The following EPHA7 variants were observed in gnomAD, a reference collection of about 807,000 sequenced individuals.
EPHA7 encodes ephrin type-A receptor 7.
In EPHA7, 25 loss-of-function variants were observed where a neutral mutation model predicts 112.6. The ratio of observed to expected loss-of-function variants is 0.22; its 90% CI spans 0.16 to 0.31. EPHA7 has a LOEUF of 0.31. Ranked by LOEUF, EPHA7 falls within the 10% of genes least tolerant of loss-of-function variation. The probability of loss-of-function intolerance (pLI) is 1.00; values close to 1 mark genes in which losing one functional copy is unlikely to be tolerated. For missense variants in EPHA7, 962 were observed against 1,212.6 expected (o/e 0.79, Z 3.07); for synonymous variants, 437 against 406.5 (o/e 1.07, Z -0.90).
rs1778334085 is a variant in EPHA7 at position 93,399,448 on chromosome 6, T to G, written c.832+11053A>C. ...AGATTTTATTGAAGTAGCTTTATTT[T>G]ATTATTTTTAAAATGTGAAATAATT... On this transcript the variant is annotated intron_variant, in intron 3 of 16. Transcript: ENST00000369303. Among the ~76,000 whole-genome samples, 2 of 152,138 alleles carry G rather than the reference T, an allele frequency of 1.3e-5. 1 individual carries two copies. The highest frequency in any genetic ancestry group is 4.1e-4 in the South Asian group (2 of 4,836).
In EPHA7 at chr6:93,257,471, T is replaced by C. The variant is rs753498003; in HGVS notation, c.2163A>G (p.Ala721=). ...TCACTTTGGTACTTACCCTGAGAAA[T>C]GCATCTAGGGCTCCATTTTCCATGA... ...IEFMENGALD[A]FLRKHDGQFT... The change falls in exon 12 of 17, where the codon GCA becomes GCG. Residue 721 remains alanine, a synonymous_variant. Transcript: ENST00000369303. 41 of 1,609,254 alleles carry C rather than the reference T, an allele frequency of 2.5e-5. No homozygotes were observed. The highest frequency in any genetic ancestry group is 3.1e-5 in the Non-Finnish European group (36 of 1,176,926).
chr6:93,355,838 G>A (rs1293017428), intron 5 of EPHA7, among the ~76,000 whole-genome samples: 1 of 152,120 alleles, frequency 6.6e-6, no homozygotes, highest in African/African-American at 2.4e-5. Flanking sequence ...TCATGGTTAT[G>A]CCATTTCTTC....
chr6:93,383,038 T>C (rs1175004618), intron 3 of EPHA7, among the ~76,000 whole-genome samples: 1 of 152,090 alleles, frequency 6.6e-6, no homozygotes, highest in African/African-American at 2.4e-5. Context: ...TTAAGAGAGC[T>C]TAATTTGATG....
At chr6:93,378,889 G>A (rs1456906647) in intron 3 of EPHA7, among the ~76,000 whole-genome samples, 2 of 152,056 alleles carry the variant, frequency 1.3e-5, no homozygotes, top group Admixed American at 6.6e-5. Context: ...TCAAAGTCTT[G>A]TGTTATTTGG....
At chr6:93,299,812 C>A (rs186722043) in intron 5 of EPHA7, among the ~76,000 whole-genome samples, 1 of 152,188 alleles carries the variant, frequency 6.6e-6, no homozygotes, top group East Asian at 1.9e-4. Flanking sequence ...AATGAGATCA[C>A]GTCTTTTGCA....
chr6:93,326,323 A>C (rs1467817192), intron 5 of EPHA7, among the ~76,000 whole-genome samples: 1 of 151,446 alleles, frequency 6.6e-6, no homozygotes, highest in East Asian at 1.9e-4. Context: ...CCTAATTTCA[A>C]TAAAACACTG....
intron 10 of EPHA7, 32 bp from the exon 11 acceptor site, chr6:93,258,316 G>A: frequency 6.7e-7 from 1 of 1,496,306 alleles, no homozygotes; most frequent in Non-Finnish European, 8.9e-7. Context: ...GCATATTTTA[G>A]TTTCTAAATA....
chr6:93,382,592 C>G (rs780489217), intron 3 of EPHA7, among the ~76,000 whole-genome samples: 31 of 152,096 alleles, frequency 2.0e-4, no homozygotes, highest in Non-Finnish European at 3.8e-4. Context: ...TGTCATTTCT[C>G]TTCTTTCTTC....
At chr6:93,319,254 T>C (rs952886216) in intron 5 of EPHA7, among the ~76,000 whole-genome samples, 6 of 152,020 alleles carry the variant, frequency 3.9e-5, no homozygotes, top group Admixed American at 1.3e-4. Flanking sequence ...CAAGTTGTTA[T>C]ATTAAGTAAG....
chr6:93,272,997 C>A (rs1241878972), intron 5 of EPHA7, among the ~76,000 whole-genome samples: 1 of 151,866 alleles, frequency 6.6e-6, no homozygotes, highest in Non-Finnish European at 1.5e-5. Flanking sequence ...AATGCAAAGG[C>A]TGCCTGCTAC....
intron 14 of EPHA7, 119 bp from the exon 15 acceptor site, chr6:93,247,104 G>A (rs904091501): frequency 2.2e-6 from 2 of 926,900 alleles, no homozygotes; most frequent in Non-Finnish European, 3.1e-6. Flanking sequence ...CTTCACAAAA[G>A]ACTTACTTTT....
At chr6:93,293,553 G>A (rs1273535306) in intron 5 of EPHA7, among the ~76,000 whole-genome samples, 2 of 152,026 alleles carry the variant, frequency 1.3e-5, no homozygotes, top group African/African-American at 2.4e-5. Flanking sequence ...TCATTCTCAC[G>A]TCTTTTTAAA....
At chr6:93,293,178 T>TAC (rs1448632767) in intron 5 of EPHA7, among the ~76,000 whole-genome samples, 1 of 151,558 alleles carries the variant, frequency 6.6e-6, no homozygotes, top group African/African-American at 2.4e-5. Context: ...CCCATATATA[T>TAC]ATATATAATT....
At chr6:93,245,174 A>T in intron 16 of EPHA7, 124 bp downstream of exon 16, 1 of 896,476 alleles carries the variant, frequency 1.1e-6, no homozygotes, top group South Asian at 1.8e-5. Flanking sequence ...CTTGTTAAAG[A>T]AGTATTTTTT....
intron 5 of EPHA7, among the ~76,000 whole-genome samples, chr6:93,300,335 GAC>G (rs1429550718): frequency 1.3e-5 from 2 of 151,958 alleles, no homozygotes; most frequent in African/African-American, 4.8e-5. Flanking sequence ...ATGAAAATGA[GAC>G]AACATATTCA....
chr6:93,416,618 T>A (rs1243868989), intron 1 of EPHA7, among the ~76,000 whole-genome samples: 1 of 152,196 alleles, frequency 6.6e-6, no homozygotes, highest in African/African-American at 2.4e-5. Flanking sequence ...TTCTGCTCGG[T>A]CCGCTCTCTG....
chr6:93,244,143 T>C (rs1189687101), intron 16 of EPHA7, among the ~76,000 whole-genome samples: 1 of 152,158 alleles, frequency 6.6e-6, no homozygotes, highest in Non-Finnish European at 1.5e-5. Flanking sequence ...AAGAATTGGA[T>C]CTGTGTTTTG....
chr6:93,258,305 G>C, intron 10 of EPHA7, 21 bp from the exon 11 acceptor site: 5 of 1,509,106 alleles, frequency 3.3e-6, no homozygotes, highest in Non-Finnish European at 4.4e-6. Flanking sequence ...AGAACAAGCA[G>C]GCATATTTTA....
rs2127847227 is a variant in EPHA7 at position 93,246,946 on chromosome 6, G to A, written c.2572C>T (p.Pro858Ser). Residue 858 changes from proline (P) to serine (S), a missense_variant, in exon 15 of 17, where the codon CCC becomes TCC. Pro to Ser is a moderately conservative substitution (Grantham distance 74). Coordinates refer to ENST00000369303, the MANE Select transcript of EPHA7 (RefSeq NM_004440.4). ...TGAAGGCCAGCTGGGCAGTCCATGG[G>A]TGCTGGTAAACGATAACCTTCTTCT... ...AIEEGYRLPA[P>S]MDCPAGLHQL... 6.2e-7 allele frequency: 1 copy of A among 1,608,542 alleles called. No homozygotes were observed. The highest frequency in any genetic ancestry group is 8.5e-7 in the Non-Finnish European group (1 of 1,175,578).
Sources: allele counts gnomAD v4.1 joint callset (sites outside exome capture counted in the v4.1 genomes callset), GRCh38; gene constraint gnomAD v4.1.1; transcripts MANE v1.5; gene names NCBI Gene and HGNC (gene_info 2026-07-23, HGNC 2026-07-21).